Variants in DNAH6 observed in about 807,000 individuals in gnomAD.
The protein encoded by DNAH6 is dynein axonemal heavy chain 6, also known as axonemal beta dynein heavy chain 6.
In DNAH6, 340 loss-of-function variants were observed where a neutral mutation model predicts 491.4. The ratio of observed to expected loss-of-function variants is 0.69; its 90% CI spans 0.63 to 0.76. DNAH6 has a LOEUF of 0.76. Among genes scored for constraint, DNAH6 ranks in the 30% least tolerant of loss-of-function variants. DNAH6 has a pLI of 0.00. For missense variants in DNAH6, 4,443 were observed against 4,972.2 expected (o/e 0.89, Z 3.20); for synonymous variants, 1,603 against 1,686.1 (o/e 0.95, Z 1.21).
intron 35 of DNAH6, among the ~76,000 whole-genome samples, chr2:84,656,765 G>A (rs780489700): frequency 5.3e-5 from 8 of 151,472 alleles, no homozygotes; most frequent in South Asian, 2.1e-4. Context: ...ACAATACTCC[G>A]GTTTCTCTTC....
intron 61 of DNAH6, among the ~76,000 whole-genome samples, chr2:84,731,494 C>T (rs762203241): frequency 1.3e-5 from 2 of 152,238 alleles, no homozygotes; most frequent in Non-Finnish European, 2.9e-5. Flanking sequence ...CTCTTCCCAT[C>T]CATGGCGTAC....
intron 2 of DNAH6, among the ~76,000 whole-genome samples, chr2:84,518,872 C>T (rs770016237): frequency 1.3e-4 from 20 of 152,144 alleles, no homozygotes; most frequent in Non-Finnish European, 2.1e-4. Flanking sequence ...AACAATTTCA[C>T]CTAGTGATAG....
intron 16 of DNAH6, among the ~76,000 whole-genome samples, chr2:84,593,727 G>T (rs1206771856): frequency 1.3e-5 from 2 of 151,800 alleles, no homozygotes; most frequent in Non-Finnish European, 2.9e-5. Context: ...GAATATTTAA[G>T]TTCTAAGTTC....
intron 5 of DNAH6, among the ~76,000 whole-genome samples, chr2:84,546,027 C>T (rs1042767548): frequency 3.3e-5 from 5 of 152,136 alleles, no homozygotes; most frequent in Non-Finnish European, 7.4e-5. Context: ...ATATGCATCG[C>T]TCCAAAGAAA....
intron 18 of DNAH6, among the ~76,000 whole-genome samples, chr2:84,598,772 C>T (rs972549370): frequency 6.6e-6 from 1 of 152,112 alleles, no homozygotes; most frequent in Admixed American, 6.5e-5. Context: ...TGGCTCATGC[C>T]TATAATCCCA....
chr2:84,637,170 T>C, intron 30 of DNAH6, 40 bp from the exon 31 acceptor site: 1 of 1,471,642 alleles, frequency 6.8e-7, no homozygotes, highest in Non-Finnish European at 9.0e-7. Context: ...ATTTTACAAG[T>C]GTCTGGAAGA....
chr2:84,783,021 A>T (rs896526641), intron 65 of DNAH6, among the ~76,000 whole-genome samples: 25 of 152,314 alleles, frequency 1.6e-4, no homozygotes, highest in African/African-American at 5.3e-4. Context: ...AAATCCTCTT[A>T]TGGCCCTTGC....
At chr2:84,719,588 G>A (rs1002752047) in intron 59 of DNAH6, among the ~76,000 whole-genome samples, 5 of 151,802 alleles carry the variant, frequency 3.3e-5, no homozygotes, top group African/African-American at 7.3e-5. Flanking sequence ...ATGACTCACC[G>A]CAGACTTCAT....
chr2:84,464,939 T>C, the DNAH6 span, among the ~76,000 whole-genome samples: 14 of 152,128 alleles, frequency 9.2e-5, no homozygotes, highest in African/African-American at 3.1e-4. Context: ...ATGGAATTGC[T>C]CTGGTTCACA....
chr2:84,687,966 G>A (rs942603187), intron 44 of DNAH6, among the ~76,000 whole-genome samples: 7 of 152,152 alleles, frequency 4.6e-5, no homozygotes, highest in Non-Finnish European at 7.4e-5. Context: ...CGGGCGCAGT[G>A]TCTCACACCT....
At chr2:84,658,223 C>G (rs1691163320) in intron 35 of DNAH6, 69 bp from the exon 36 acceptor site, 1 of 1,119,644 alleles carries the variant, frequency 8.9e-7, no homozygotes, top group African/African-American at 1.6e-5. Context: ...CAGATTTTAA[C>G]CAACCTAATT....
chr2:84,702,699 C>T (rs10178793), intron 49 of DNAH6, among the ~76,000 whole-genome samples: 8 of 151,772 alleles, frequency 5.3e-5, no homozygotes, highest in Admixed American at 2.6e-4. Flanking sequence ...ACCGCCACCA[C>T]GCCCGACTAA....
At chr2:84,746,275 A>G (rs963108679) in intron 63 of DNAH6, among the ~76,000 whole-genome samples, 1 of 152,176 alleles carries the variant, frequency 6.6e-6, no homozygotes, top group Non-Finnish European at 1.5e-5. Context: ...GACATAATAG[A>G]ATAAGAGGAA....
At chr2:84,596,981 T>C (rs932893987) in intron 18 of DNAH6, among the ~76,000 whole-genome samples, 1 of 152,202 alleles carries the variant, frequency 6.6e-6, no homozygotes, top group African/African-American at 2.4e-5. Flanking sequence ...TACAGTTCTA[T>C]GGGTTTTTAC....
intron 12 of DNAH6, among the ~76,000 whole-genome samples, chr2:84,575,773 A>G (rs1237225634): frequency 6.6e-6 from 1 of 152,004 alleles, no homozygotes; most frequent in Non-Finnish European, 1.5e-5. Context: ...GGTCCCAGCT[A>G]CTCCAGGGGC....
the DNAH6 span, among the ~76,000 whole-genome samples, chr2:84,477,553 G>A: frequency 0.011 from 1,684 of 152,270 alleles, 29 homozygotes; most frequent in African/African-American, 0.039. Context: ...TGGGGGGATA[G>A]CACCTAAGCT....
chr2:84,764,244 A>G (rs1160883942), intron 64 of DNAH6, among the ~76,000 whole-genome samples: 2 of 152,214 alleles, frequency 1.3e-5, no homozygotes, highest in African/African-American at 4.8e-5. Flanking sequence ...AATCTCAACA[A>G]AGTATTACTA....
chr2:84,529,868 C>T (rs1030966765), intron 4 of DNAH6, among the ~76,000 whole-genome samples: 9 of 152,178 alleles, frequency 5.9e-5, no homozygotes, highest in South Asian at 2.1e-4. Context: ...CTTATTCTCC[C>T]TTATTCAGCA....
chr2:84,721,672 TTC>T (rs1337062624), intron 59 of DNAH6, among the ~76,000 whole-genome samples: 2 of 152,224 alleles, frequency 1.3e-5, no homozygotes, highest in Non-Finnish European at 2.9e-5. Flanking sequence ...CTATTAAAAT[TTC>T]TTTTTATCTT....
Sources: allele counts gnomAD v4.1 joint callset (sites outside exome capture counted in the v4.1 genomes callset), GRCh38; gene constraint gnomAD v4.1.1; transcripts MANE v1.5; gene names NCBI Gene and HGNC (gene_info 2026-07-23, HGNC 2026-07-21).